Variants in PTPN4 observed in about 807,000 individuals in gnomAD.
PTPN4 encodes protein tyrosine phosphatase non-receptor type 4.
PTPN4 carries 49 observed loss-of-function variants against 135.5 expected under a neutral mutation model. The ratio of observed to expected loss-of-function variants is 0.36; its 90% CI spans 0.29 to 0.46. The LOEUF (loss-of-function observed/expected upper bound fraction) is 0.46. PTPN4 is among the 20% of genes least tolerant of loss of function. The pLI, the probability that PTPN4 is intolerant of heterozygous loss-of-function variation, is 1.00. For missense variants in PTPN4, 860 were observed against 1,101.0 expected (o/e 0.78, Z 3.10); for synonymous variants, 333 against 369.9 (o/e 0.90, Z 1.14).
rs1178629744 is a variant in PTPN4, at chr2:119,977,068, T to A, written c.2779T>A (p.Ter927LysextTer52). The A allele has an allele frequency of 2.5e-6, 4 of 1,593,164 alleles. No individual in the cohort carries two copies. Among genetic ancestry groups the A allele is most frequent in the African/African-American group, 1.4e-5 (1 of 73,292 alleles). ...VKPLTTSTNK[*>K] ...ACCCTTAACAACATCAACAAATAAA[T>A]AAGAAAGCAAAAAGATCTGGGATAT... Residue 927 changes from the stop codon to lysine (K), a stop_lost, in exon 27 of 27, where the codon TAA becomes AAA. Coordinates refer to ENST00000263708, the MANE Select transcript of PTPN4 (RefSeq NM_002830.4).
At chr2:119,878,181 A>G (rs1423491494) in intron 5 of PTPN4, among the ~76,000 whole-genome samples, 1 of 152,190 alleles carries the variant, frequency 6.6e-6, no homozygotes, top group African/African-American at 2.4e-5. Flanking sequence ...GTATATACAC[A>G]TGAATGATCC....
intron 6 of PTPN4, 63 bp downstream of exon 6, chr2:119,881,893 T>C: frequency 5.4e-6 from 7 of 1,293,160 alleles, no homozygotes; most frequent in Non-Finnish European, 7.7e-6. Flanking sequence ...TTTTTAAATC[T>C]GTGTTAAGTA....
intron 18 of PTPN4, among the ~76,000 whole-genome samples, chr2:119,951,101 C>T (rs1021319527): frequency 2.6e-5 from 4 of 152,186 alleles, no homozygotes; most frequent in African/African-American, 7.2e-5. Flanking sequence ...GCCTCCTCCC[C>T]GTGGTACAGC....
chr2:119,847,266 TAC>T (rs1212339901), intron 2 of PTPN4, among the ~76,000 whole-genome samples: 1 of 135,434 alleles, frequency 7.4e-6, no homozygotes, highest in African/African-American at 2.8e-5. Context: ...AAAAAGGAGA[TAC>T]TCTATATACA....
At chr2:119,976,910 G>T in intron 26 of PTPN4, 74 bp from the exon 27 acceptor site, 1 of 1,540,916 alleles carries the variant, frequency 6.5e-7, no homozygotes, top group Non-Finnish European at 8.7e-7. Flanking sequence ...TGAGATGTTT[G>T]TCTTTTTTGG....
chr2:119,913,943 G>A (rs969844809), intron 10 of PTPN4, among the ~76,000 whole-genome samples: 3 of 151,914 alleles, frequency 2.0e-5, no homozygotes, highest in African/African-American at 7.3e-5. Context: ...GTATTTTTCT[G>A]AAAAAACTTT....
At chr2:119,951,306 C>CT (rs1199849770) in intron 18 of PTPN4, among the ~76,000 whole-genome samples, 1 of 152,212 alleles carries the variant, frequency 6.6e-6, no homozygotes, top group African/African-American at 2.4e-5. Flanking sequence ...TTCTCTGACT[C>CT]TATTTATGGT....
intron 1 of PTPN4, among the ~76,000 whole-genome samples, chr2:119,791,868 T>A (rs1691154687): frequency 6.6e-6 from 1 of 152,206 alleles, no homozygotes; most frequent in Admixed American, 6.5e-5. Context: ...TTTCTTCAAG[T>A]ATTCTGTCAG....
chr2:119,860,809 G>A (rs1677749878), intron 2 of PTPN4, among the ~76,000 whole-genome samples: 1 of 152,142 alleles, frequency 6.6e-6, no homozygotes, highest in Non-Finnish European at 1.5e-5. Context: ...GGGAGGCTGA[G>A]GCAGGCAGAT....
intron 12 of PTPN4, among the ~76,000 whole-genome samples, chr2:119,923,650 A>G (rs768787380): frequency 6.6e-6 from 1 of 152,158 alleles, no homozygotes; most frequent in Non-Finnish European, 1.5e-5. Context: ...CCTGATTAAA[A>G]AAATAACTTT....
chr2:119,763,383 G>A (rs1247725764), intron 1 of PTPN4, among the ~76,000 whole-genome samples: 1 of 152,102 alleles, frequency 6.6e-6, no homozygotes, highest in Non-Finnish European at 1.5e-5. Context: ...AAAGAAAAAA[G>A]GACCCAGAGG....
At chr2:119,870,122 C>T (rs771783962) in intron 3 of PTPN4, among the ~76,000 whole-genome samples, 2 of 152,164 alleles carry the variant, frequency 1.3e-5, no homozygotes, top group Non-Finnish European at 2.9e-5. Context: ...ACCTTGAAAG[C>T]TCAAATGAAT....
At chr2:119,876,897 ATGTGTGTGTGTGTGTGTG>A (rs3835789) in intron 3 of PTPN4, among the ~76,000 whole-genome samples, 8 of 136,024 alleles carry the variant, frequency 5.9e-5, no homozygotes, top group African/African-American at 8.2e-5. Context: ...GCCCAAGAGC[ATGTGTGTGTGTGTGTGTG>A]TGTGTGTGTG....
chr2:119,794,798 G>T (rs944749583), intron 1 of PTPN4, among the ~76,000 whole-genome samples: 1 of 151,986 alleles, frequency 6.6e-6, no homozygotes, highest in African/African-American at 2.4e-5. Context: ...CATTCAGCGG[G>T]TCCTGAGTTC....
intron 1 of PTPN4, among the ~76,000 whole-genome samples, chr2:119,772,208 A>C (rs567434936): frequency 3.8e-4 from 58 of 152,326 alleles, no homozygotes; most frequent in African/African-American, 1.1e-3. Flanking sequence ...ATAGTGGCTT[A>C]CTACAAGAAG....
intron 2 of PTPN4, among the ~76,000 whole-genome samples, chr2:119,855,673 G>A (rs370080810): frequency 6.6e-5 from 10 of 152,184 alleles, no homozygotes; most frequent in East Asian, 5.8e-4. Flanking sequence ...AGATGATCCT[G>A]TGGCAAGGGC....
chr2:119,942,928 A>C (rs1679080770), intron 15 of PTPN4, among the ~76,000 whole-genome samples: 1 of 152,202 alleles, frequency 6.6e-6, no homozygotes, highest in African/African-American at 2.4e-5. Flanking sequence ...TGGGAGCTGG[A>C]AGCCCTGGCC....
At chr2:119,907,441 A>AT (rs1678505940) in intron 10 of PTPN4, among the ~76,000 whole-genome samples, 1 of 151,828 alleles carries the variant, frequency 6.6e-6, no homozygotes, top group Non-Finnish European at 1.5e-5. Flanking sequence ...CTCTATAAAA[A>AT]ATATTTTTAA....
intron 15 of PTPN4, among the ~76,000 whole-genome samples, chr2:119,936,185 G>T (rs904662015): frequency 1.3e-5 from 2 of 152,130 alleles, no homozygotes; most frequent in Non-Finnish European, 2.9e-5. Context: ...TGTATCTTTA[G>T]TAGAGATGGG....
Sources: allele counts gnomAD v4.1 joint callset (sites outside exome capture counted in the v4.1 genomes callset), GRCh38; gene constraint gnomAD v4.1.1; transcripts MANE v1.5; gene names NCBI Gene and HGNC (gene_info 2026-07-23, HGNC 2026-07-21).